The following UBE2R2 variants were observed in gnomAD, a reference collection of about 807,000 sequenced individuals.
UBE2R2 encodes ubiquitin-conjugating enzyme E2 R2.
Under a neutral mutation model 27.8 loss-of-function variants are expected in UBE2R2, and 1 was observed. That is an observed-to-expected ratio of 0.04 (90% CI 0.01 to 0.17). The LOEUF (loss-of-function observed/expected upper bound fraction) is 0.17, where lower values mean the gene tolerates loss of function less well. UBE2R2 is among the 10% of genes least tolerant of loss of function. UBE2R2 has a pLI of 1.00. For missense variants in UBE2R2, 100 were observed against 291.0 expected, an observed-to-expected ratio of 0.34 and a Z score of 4.78; for synonymous variants, 106 against 113.3, an observed-to-expected ratio of 0.94 and a Z score of 0.41.
chr9:33,908,237 C>T (rs1052053582), intron 3 of UBE2R2, among the ~76,000 whole-genome samples: 2 of 152,218 alleles, frequency 1.3e-5, no homozygotes, highest in Non-Finnish European at 2.9e-5. Flanking sequence ...CCAATGCTGT[C>T]AGCTTTCCTT....
chr9:33,862,353 C>A (rs149259757), intron 1 of UBE2R2, among the ~76,000 whole-genome samples: 23 of 152,234 alleles, frequency 1.5e-4, no homozygotes, highest in African/African-American at 5.5e-4. Context: ...GAACTTCTTT[C>A]GTTATGTTAG....
At chr9:33,839,856 A>C (rs1240907387) in intron 1 of UBE2R2, among the ~76,000 whole-genome samples, 2 of 152,116 alleles carry the variant, frequency 1.3e-5, no homozygotes, top group African/African-American at 4.8e-5. Flanking sequence ...AAGTTAGCCA[A>C]GTGTGGTGGT....
intron 1 of UBE2R2, among the ~76,000 whole-genome samples, chr9:33,829,761 C>T (rs1587427433): frequency 6.7e-6 from 1 of 148,836 alleles, no homozygotes; most frequent in East Asian, 1.9e-4. Flanking sequence ...ATTTTTTAAC[C>T]TCTATTACAG....
intron 1 of UBE2R2, among the ~76,000 whole-genome samples, chr9:33,853,466 G>A (rs1432533594): frequency 6.6e-6 from 1 of 151,880 alleles, no homozygotes; most frequent in Non-Finnish European, 1.5e-5. Flanking sequence ...TGTAGTTTTA[G>A]TAGAGACGGG....
chr9:33,832,432 G>A (rs1396539409), intron 1 of UBE2R2, among the ~76,000 whole-genome samples: 19 of 152,004 alleles, frequency 1.2e-4, no homozygotes, highest in Middle Eastern at 3.4e-3. Context: ...TGAGGTGGGC[G>A]GATCACAAGG....
chr9:33,834,392 T>TAAC (rs1820566921), intron 1 of UBE2R2, among the ~76,000 whole-genome samples: 1 of 151,642 alleles, frequency 6.6e-6, no homozygotes, highest in South Asian at 2.1e-4. Context: ...TTTGTATTTT[T>TAAC]AGTAGAGACG....
intron 1 of UBE2R2, among the ~76,000 whole-genome samples, chr9:33,829,793 G>GTTTTTTTT (rs36079457): frequency 1.0e-5 from 1 of 97,186 alleles, no homozygotes; most frequent in Non-Finnish European, 2.1e-5. Flanking sequence ...TAGTGCAATC[G>GTTTTTTTT]TTTTTTTTTT....
In UBE2R2 at chr9:33,919,301, G is replaced by A. The variant is rs556195339; in HGVS notation, c.*2064G>A. The A allele has an allele frequency of 9.2e-5, 14 of 151,528 alleles. No homozygotes were observed. The highest frequency in any genetic ancestry group is 3.2e-4 in the African/African-American group (13 of 41,246). The allele number at this position is 151,528 out of a possible 1,614,324, so 9.4% of individuals were successfully genotyped here. ...AGTGCTGATTTACCTCCCCCAAAATGCCCCCAAACCCCCATGCAAGTTTAC... is the reference window on the plus strand; with the variant it reads ...AGTGCTGATTTACCTCCCCCAAAATACCCCCAAACCCCCATGCAAGTTTAC... On this transcript the variant is annotated 3_prime_UTR_variant, in exon 5 of 5. Transcript: ENST00000263228.
At chr9:33,844,415 G>A (rs376777481) in intron 1 of UBE2R2, among the ~76,000 whole-genome samples, 1 of 151,960 alleles carries the variant, frequency 6.6e-6, no homozygotes, top group African/African-American at 2.4e-5. Context: ...TGTTGGTCAG[G>A]CTGGTCTCGA....
chr9:33,861,709 C>T (rs1464432219), intron 1 of UBE2R2, among the ~76,000 whole-genome samples: 1 of 152,086 alleles, frequency 6.6e-6, no homozygotes. Flanking sequence ...TTTTCAAAAG[C>T]AGTAACATAT....
intron 2 of UBE2R2, among the ~76,000 whole-genome samples, chr9:33,891,055 G>GTTTTTTTTTTTTGT (rs1821972502): frequency 7.9e-6 from 1 of 126,100 alleles, no homozygotes; most frequent in African/African-American, 2.7e-5. Context: ...GTGTTTTTTT[G>GTTTTTTTTTTTTGT]TTTTTTTTTT....
At chr9:33,852,353 G>A (rs1188871903) in intron 1 of UBE2R2, among the ~76,000 whole-genome samples, 3 of 152,112 alleles carry the variant, frequency 2.0e-5, no homozygotes, top group South Asian at 2.1e-4. Context: ...TAGCTGGCCC[G>A]GAGTTACAGG....
intron 1 of UBE2R2, among the ~76,000 whole-genome samples, chr9:33,826,472 G>A (rs1250448429): frequency 6.6e-6 from 1 of 152,170 alleles, no homozygotes; most frequent in Non-Finnish European, 1.5e-5. Flanking sequence ...GCCGAGGCAG[G>A]CGGATCACGA....
intron 1 of UBE2R2, among the ~76,000 whole-genome samples, chr9:33,854,859 C>T (rs1023177246): frequency 1.5e-4 from 23 of 151,874 alleles, no homozygotes; most frequent in African/African-American, 5.3e-4. Flanking sequence ...GCTGGGACTA[C>T]AGGCAGGCAC....
intron 1 of UBE2R2, among the ~76,000 whole-genome samples, chr9:33,853,948 G>A (rs1028602882): frequency 3.3e-5 from 5 of 151,880 alleles, no homozygotes; most frequent in Non-Finnish European, 5.9e-5. Context: ...CTAGCACCTC[G>A]GCCTCCCAAA....
upstream of UBE2R2, among the ~76,000 whole-genome samples, chr9:33,815,170 T>C (rs1257486601): frequency 6.6e-6 from 1 of 152,172 alleles, no homozygotes; most frequent in Non-Finnish European, 1.5e-5. Context: ...TCAAAACTGT[T>C]AAGGTCATCA....
At chr9:33,875,515 GA>G (rs1392512658) in intron 1 of UBE2R2, among the ~76,000 whole-genome samples, 2 of 152,164 alleles carry the variant, frequency 1.3e-5, no homozygotes, top group Non-Finnish European at 2.9e-5. Flanking sequence ...GCTGAGGTGG[GA>G]AAATCACTTG....
At chr9:33,846,881 C>CTT (rs1294318175) in intron 1 of UBE2R2, among the ~76,000 whole-genome samples, 1 of 151,830 alleles carries the variant, frequency 6.6e-6, no homozygotes, top group Non-Finnish European at 1.5e-5. Flanking sequence ...TGAAGTGGTA[C>CTT]TTTTATCTGA....
At chr9:33,851,756 A>G (rs1563988257) in intron 1 of UBE2R2, among the ~76,000 whole-genome samples, 1 of 152,144 alleles carries the variant, frequency 6.6e-6, no homozygotes, top group Non-Finnish European at 1.5e-5. Context: ...TCCTATTGCT[A>G]TTGAACTTCT....
Sources: allele counts gnomAD v4.1 joint callset (sites outside exome capture counted in the v4.1 genomes callset), GRCh38; gene constraint gnomAD v4.1.1; transcripts MANE v1.5; gene names NCBI Gene and HGNC (gene_info 2026-07-23, HGNC 2026-07-21).